ZNF518A: variants seen among roughly 807,000 people sequenced by gnomAD.
The protein encoded by ZNF518A is zinc finger protein 518A.
In ZNF518A, 47 loss-of-function variants were observed where a neutral mutation model predicts 102.7. The ratio of observed to expected loss-of-function variants is 0.46; its 90% confidence interval spans 0.36 to 0.58. The LOEUF (loss-of-function observed/expected upper bound fraction) is 0.58, where lower values mean the gene tolerates loss of function less well. Ranked by LOEUF, ZNF518A falls within the 20% of genes least tolerant of loss-of-function variation. The pLI, the probability that ZNF518A is intolerant of heterozygous loss-of-function variation, is 0.00. For synonymous variants in ZNF518A, 652 were observed against 594.6 expected, an observed-to-expected ratio of 1.10 and a Z score of -1.40; for missense variants, 1,793 against 1,699.8, an observed-to-expected ratio of 1.05 and a Z score of -0.96.
In ZNF518A at chr10:96,156,797, G is replaced by A. The variant is rs2082716299; in HGVS notation, c.475G>A (p.Ala159Thr). The A allele has an allele frequency of 6.2e-7, 1 of 1,613,772 alleles. No homozygotes were observed. The highest frequency in any genetic ancestry group is 8.5e-7 in the Non-Finnish European group (1 of 1,179,828). Residue 159 changes from alanine to threonine, a missense_variant, in exon 6 of 6, where the codon GCA (alanine) becomes ACA (threonine). Transcript: ENST00000316045. ...TCCTTGTGAAATGTGCAACTTTTCAGCAAATGACTTTCAGGTATTTAAACA... is the reference window on the plus strand; with the variant it reads ...TCCTTGTGAAATGTGCAACTTTTCAACAAATGACTTTCAGGTATTTAAACA... ...SYPCEMCNFS[A>T]NDFQVFKQHR...
Position 96,130,316 on chromosome 10 carries a change from C to G in ZNF518A, c.-889C>G, listed in dbSNP as rs587640240. ...CCGCTTAACTTGCCGCAAAGTTTTT[C>G]TGGAGAAGTCGGGGTTTTTTTGCCG... On this transcript the variant is annotated 5_prime_UTR_variant, in exon 1 of 6. Coordinates refer to ENST00000316045, the MANE Select transcript of ZNF518A (RefSeq NM_001330736.2). Among the ~76,000 whole-genome samples, 4 of 152,382 alleles carry G rather than the reference C, an allele frequency of 2.6e-5. No homozygotes were observed. Among genetic ancestry groups the G allele is most frequent in the East Asian group, 1.9e-4 (1 of 5,176 alleles).
chr10:96,168,853 A>T (rs1276689636), intron 1 of ZNF518A, among the ~76,000 whole-genome samples: 1 of 152,154 alleles, frequency 6.6e-6, no homozygotes, highest in Non-Finnish European at 1.5e-5. Flanking sequence ...TTTTGAGTTT[A>T]TGTTACTTGG....
At chr10:96,138,822 C>T (rs752891125) in intron 3 of ZNF518A, among the ~76,000 whole-genome samples, 28 of 151,670 alleles carry the variant, frequency 1.8e-4, no homozygotes, top group Non-Finnish European at 3.2e-4. Flanking sequence ...CTCACCCTTA[C>T]GCAACTTATA....
chr10:96,168,395 CTTATGT>C (rs782129954), downstream of ZNF518A, among the ~76,000 whole-genome samples: 70 of 150,144 alleles, frequency 4.7e-4, no homozygotes, highest in Middle Eastern at 3.4e-3. Context: ...AATACATTGT[CTTATGT>C]TTATTTGTGC....
At chr10:96,130,290 T>TCCGCTTA (rs1564733096), upstream of ZNF518A, among the ~76,000 whole-genome samples, 1 of 152,218 alleles carries the variant, frequency 6.6e-6, no homozygotes, top group Admixed American at 6.5e-5. Flanking sequence ...ATTCAGCGCT[T>TCCGCTTA]CCGCTTAACT....
intron 3 of ZNF518A, among the ~76,000 whole-genome samples, chr10:96,141,967 C>T (rs1192177067): frequency 1.3e-5 from 2 of 152,124 alleles, no homozygotes; most frequent in Non-Finnish European, 2.9e-5. Context: ...GTCTTGAACT[C>T]CTGGACTCAA....
At chr10:96,199,315 A>G (rs1203246094) in intron 1 of ZNF518A, among the ~76,000 whole-genome samples, 1 of 152,232 alleles carries the variant, frequency 6.6e-6, no homozygotes, top group African/African-American at 2.4e-5. Flanking sequence ...GTGTTCCTAC[A>G]TGATTGAAGT....
At chr10:96,170,123 C>G (rs2083165206) in intron 1 of ZNF518A, among the ~76,000 whole-genome samples, 1 of 152,252 alleles carries the variant, frequency 6.6e-6, no homozygotes, top group East Asian at 1.9e-4. Context: ...CACGTACAGC[C>G]CTGGGCATGA....
intron 1 of ZNF518A, among the ~76,000 whole-genome samples, chr10:96,178,021 ATAGT>A (rs1257382300): frequency 6.6e-6 from 1 of 152,158 alleles, no homozygotes; most frequent in Non-Finnish European, 1.5e-5. Context: ...ATCTACAATT[ATAGT>A]TAGCTATTCC....
At chr10:96,189,727 T>C (rs2083299615) in intron 1 of ZNF518A, 2 of 721,816 alleles carry the variant, frequency 2.8e-6, no homozygotes, top group East Asian at 5.0e-5. Flanking sequence ...ATCATCATCA[T>C]CATCATCTTC....
intron 1 of ZNF518A, among the ~76,000 whole-genome samples, chr10:96,203,304 A>G (rs587755151): frequency 4.6e-5 from 7 of 152,312 alleles, no homozygotes; most frequent in African/African-American, 1.7e-4. Flanking sequence ...TTTAAAAACT[A>G]GTAAAAGTTT....
intron 1 of ZNF518A, among the ~76,000 whole-genome samples, chr10:96,131,416 T>A (rs967850282): frequency 2.0e-5 from 3 of 152,240 alleles, no homozygotes; most frequent in African/African-American, 7.2e-5. Flanking sequence ...TCACTATCTT[T>A]CAGCAAAATT....
intron 1 of ZNF518A, among the ~76,000 whole-genome samples, chr10:96,171,845 A>T (rs1332843426): frequency 6.6e-6 from 1 of 152,064 alleles, no homozygotes; most frequent in Non-Finnish European, 1.5e-5. Flanking sequence ...ATGCAAAGAG[A>T]TTCAAAAGTA....
chr10:96,203,935 G>C, exon 3 of ZNF518A: 1 of 735,958 alleles, frequency 1.4e-6, no homozygotes, highest in Middle Eastern at 2.5e-4. Context: ...GAAACAAGTG[G>C]GAGAAGATGC....
chr10:96,140,046 C>T (rs2081836636), intron 3 of ZNF518A, among the ~76,000 whole-genome samples: 1 of 151,674 alleles, frequency 6.6e-6, no homozygotes, highest in African/African-American at 2.4e-5. Context: ...TTAGTAGTGG[C>T]GGGGTTTCTC....
At chr10:96,196,909 T>G in intron 1 of ZNF518A, 1 of 1,613,182 alleles carries the variant, frequency 6.2e-7, no homozygotes, top group Non-Finnish European at 8.5e-7. Context: ...ATCACTGACC[T>G]CTTCACCATT....
chr10:96,150,479 G>A (rs1554880031), intron 3 of ZNF518A, among the ~76,000 whole-genome samples: 1 of 150,578 alleles, frequency 6.6e-6, no homozygotes, highest in African/African-American at 2.4e-5. Context: ...ATAAGTTGTA[G>A]ATACTGAGCT....
At chr10:96,192,065 T>C (rs1449838437) in intron 1 of ZNF518A, 1 of 1,613,590 alleles carries the variant, frequency 6.2e-7, no homozygotes, top group African/African-American at 1.3e-5. Flanking sequence ...TGATGATTCC[T>C]GATGATTTCA....
At chr10:96,175,861 CCCTG>C (rs199758997) in intron 1 of ZNF518A, among the ~76,000 whole-genome samples, 6,150 of 73,782 alleles carry the variant, frequency 0.083, 251 homozygotes, top group South Asian at 0.24. Context: ...AGTATTCCCT[CCCTG>C]CCTCCCTCCC....
Sources: allele counts gnomAD v4.1 joint callset (sites outside exome capture counted in the v4.1 genomes callset), GRCh38; gene constraint gnomAD v4.1.1; transcripts MANE v1.5; gene names NCBI Gene and HGNC (gene_info 2026-07-23, HGNC 2026-07-21).